The following GPC5 variants were observed in gnomAD, a reference collection of about 807,000 sequenced individuals.
GPC5 encodes glypican-5.
GPC5 carries 47 observed loss-of-function variants against 53.9 expected under a neutral mutation model. That is an observed-to-expected ratio of 0.87 (90% CI 0.69 to 1.11). The LOEUF is 1.11. GPC5 is among the 50% of genes most tolerant of loss of function. The pLI, the probability that GPC5 is intolerant of heterozygous loss-of-function variation, is 0.00. For synonymous variants in GPC5, 286 were observed against 263.3 expected (o/e 1.09, Z -0.84); for missense variants, 748 against 713.1 (o/e 1.05, Z -0.56).
intron 5 of GPC5, among the ~76,000 whole-genome samples, chr13:91,833,819 T>A (rs1030915117): frequency 7.2e-5 from 11 of 152,136 alleles, no homozygotes; most frequent in African/African-American, 2.7e-4. Flanking sequence ...AAGCATTCCC[T>A]TTGAAAACCA....
In GPC5 at chr13:92,145,000, G is replaced by T. The variant is rs758611154; in HGVS notation, c.1561+11G>T. ...TGAAGATCACAGACTGTAAGTGTAT[G>T]ATTCTAACACCACTTTTTTAAAACA... On this transcript the variant is annotated intron_variant, in intron 7 of 7. Transcript: ENST00000377067. 2 of 1,411,670 alleles carry T rather than the reference G, an allele frequency of 1.4e-6. No homozygotes were observed. The highest frequency in any genetic ancestry group is 5.5e-5 in the Admixed American group (2 of 36,496). The allele number at this position is 1,411,670 out of a possible 1,614,324, so 87.4% of individuals were successfully genotyped here. A position where few individuals can be genotyped will look rare whatever the true frequency, so the allele number is the denominator to read the frequency against.
At chr13:92,330,529 A>AT (rs1362696628) in intron 7 of GPC5, among the ~76,000 whole-genome samples, 17 of 152,290 alleles carry the variant, frequency 1.1e-4, no homozygotes, top group African/African-American at 3.8e-4. Context: ...AAATTGCAGA[A>AT]ATATATAAAA....
At chr13:92,191,503 T>C (rs903602966) in intron 7 of GPC5, among the ~76,000 whole-genome samples, 5 of 152,188 alleles carry the variant, frequency 3.3e-5, no homozygotes, top group Admixed American at 1.3e-4. Flanking sequence ...TCTTACCATA[T>C]GTTCCATCAA....
In GPC5 at chr13:92,121,653, G is replaced by A. The variant is rs1303725870; in HGVS notation, c.1402-23177G>A. 5.9e-5 allele frequency among the ~76,000 whole-genome samples: 9 copies of A among 152,196 alleles called. No homozygotes were observed. In the South Asian group the frequency reaches 1.7e-3, roughly 28 times the overall value. On this transcript the variant is annotated intron_variant, in intron 6 of 7. Transcript: ENST00000377067. ...TTTTGGAAAAACTGCCTCTACATTG[G>A]CATTGTGTGTACTCAGAGTGGAGGG...
chr13:91,915,515 C>T (rs2039649726), intron 6 of GPC5, among the ~76,000 whole-genome samples: 1 of 151,932 alleles, frequency 6.6e-6, no homozygotes, highest in African/African-American at 2.4e-5. Context: ...AAAAATTTGA[C>T]TTTTCATTTA....
At chr13:92,415,474 C>T (rs912778351) in intron 7 of GPC5, among the ~76,000 whole-genome samples, 2 of 152,128 alleles carry the variant, frequency 1.3e-5, no homozygotes, top group Non-Finnish European at 2.9e-5. Context: ...TAGGAATTAT[C>T]CTACCTTCTA....
chr13:92,490,538 A>G (rs1386927312), intron 7 of GPC5, among the ~76,000 whole-genome samples: 1 of 152,128 alleles, frequency 6.6e-6, no homozygotes, highest in African/African-American at 2.4e-5. Flanking sequence ...GTTGTATAAT[A>G]GTAAACACTT....
intron 7 of GPC5, among the ~76,000 whole-genome samples, chr13:92,470,232 A>G (rs1878855686): frequency 6.6e-6 from 1 of 152,192 alleles, no homozygotes. Context: ...CTACTATATA[A>G]CAGCGAAAAT....
chr13:91,637,817 G>A (rs114493899), intron 2 of GPC5, among the ~76,000 whole-genome samples: 3,789 of 152,302 alleles, frequency 0.025, 149 homozygotes, highest in African/African-American at 0.085. Flanking sequence ...ATTGGATTTT[G>A]TTTTCCAAGA....
chr13:92,367,851 C>T (rs932007662), intron 7 of GPC5, among the ~76,000 whole-genome samples: 3 of 152,160 alleles, frequency 2.0e-5, no homozygotes, highest in African/African-American at 7.2e-5. Context: ...TTCCTCAGTA[C>T]TGGAAATGAG....
intron 7 of GPC5, among the ~76,000 whole-genome samples, chr13:92,471,696 G>A (rs1363937567): frequency 5.3e-5 from 8 of 152,184 alleles, no homozygotes; most frequent in South Asian, 4.1e-4. Flanking sequence ...AGTTGCAGGC[G>A]CTAACGAGTT....
intron 7 of GPC5, among the ~76,000 whole-genome samples, chr13:92,415,027 A>T (rs1265694342): frequency 6.6e-6 from 1 of 152,184 alleles, no homozygotes; most frequent in Non-Finnish European, 1.5e-5. Flanking sequence ...GAAATATTTA[A>T]CAAGCCCTAA....
intron 6 of GPC5, among the ~76,000 whole-genome samples, chr13:91,966,626 A>G (rs372451597): frequency 2.6e-5 from 4 of 152,200 alleles, no homozygotes; most frequent in East Asian, 3.8e-4. Context: ...GCATCAATCA[A>G]AACTTATCAG....
chr13:91,650,750 G>GTTTTTTTTTTTATTTT, intron 2 of GPC5, among the ~76,000 whole-genome samples: 1 of 99,642 alleles, frequency 1.0e-5, no homozygotes, highest in Non-Finnish European at 2.0e-5. Context: ...ATTCCCATAA[G>GTTTTTTTTTTTATTTT]TTTTTTTTTT....
intron 6 of GPC5, among the ~76,000 whole-genome samples, chr13:92,126,040 C>T (rs2041694386): frequency 7.6e-6 from 1 of 131,394 alleles, no homozygotes; most frequent in African/African-American, 2.9e-5. Context: ...CTGCAACCTC[C>T]ACCTCCTGGG....
intron 7 of GPC5, among the ~76,000 whole-genome samples, chr13:92,506,515 A>G (rs1880374991): frequency 6.6e-6 from 1 of 152,176 alleles, no homozygotes; most frequent in African/African-American, 2.4e-5. Flanking sequence ...CAAATAAAGC[A>G]TGTTCCTCAT....
chr13:91,617,587 C>G (rs1057273885), intron 2 of GPC5, among the ~76,000 whole-genome samples: 1 of 152,052 alleles, frequency 6.6e-6, no homozygotes, highest in Non-Finnish European at 1.5e-5. Flanking sequence ...ACAAGCAACT[C>G]TTTGATCTAA....
At chr13:91,437,060 T>C (rs1238426320) in intron 1 of GPC5, among the ~76,000 whole-genome samples, 1 of 152,200 alleles carries the variant, frequency 6.6e-6, no homozygotes, top group African/African-American at 2.4e-5. Flanking sequence ...CTCCATCCCT[T>C]TATTTTGAGC....
chr13:91,664,562 T>C (rs755988297), intron 2 of GPC5, among the ~76,000 whole-genome samples: 2 of 152,256 alleles, frequency 1.3e-5, no homozygotes, highest in Non-Finnish European at 2.9e-5. Flanking sequence ...TACTAAATGA[T>C]GGCGTTTTTC....
Sources: allele counts gnomAD v4.1 joint callset (sites outside exome capture counted in the v4.1 genomes callset), GRCh38; gene constraint gnomAD v4.1.1; transcripts MANE v1.5; gene names NCBI Gene and HGNC (gene_info 2026-07-23, HGNC 2026-07-21).